The following DCHS2 variants were observed in gnomAD, a reference collection of about 807,000 sequenced individuals.
DCHS2 encodes protocadherin-23.
Under a neutral mutation model 182.4 loss-of-function variants are expected in DCHS2, and 142 were observed. The ratio of observed to expected loss-of-function variants is 0.78; its 90% CI spans 0.68 to 0.89. The LOEUF (loss-of-function observed/expected upper bound fraction) is 0.89, where lower values mean the gene tolerates loss of function less well. DCHS2 is among the 40% of genes least tolerant of loss of function. The pLI, the probability that DCHS2 is intolerant of heterozygous loss-of-function variation, is 0.00. For synonymous variants in DCHS2, 1,740 were observed against 1,663.3 expected, an observed-to-expected ratio of 1.05 and a Z score of -1.12; for missense variants, 4,319 against 4,198.6, an observed-to-expected ratio of 1.03 and a Z score of -0.79.
At chr4:154,345,151 A>G (rs1170340507) in intron 3 of DCHS2, among the ~76,000 whole-genome samples, 1 of 152,132 alleles carries the variant, frequency 6.6e-6, no homozygotes, top group African/African-American at 2.4e-5. Flanking sequence ...GCCTTCTCCC[A>G]AGATGTCTAG....
At chr4:154,329,408 G>C (rs1736419775) in intron 6 of DCHS2, 115 bp downstream of exon 6, 2 of 1,079,448 alleles carry the variant, frequency 1.9e-6, no homozygotes, top group African/African-American at 3.2e-5. Context: ...TCTAGAAAAA[G>C]TATGCTTTGC....
At chr4:154,449,376 T>G (rs1005224077) in intron 1 of DCHS2, among the ~76,000 whole-genome samples, 11 of 152,024 alleles carry the variant, frequency 7.2e-5, no homozygotes, top group African/African-American at 2.4e-4. Flanking sequence ...AGTTTTTTAA[T>G]TAATCTTTTT....
In DCHS2 at chr4:154,236,324, A is replaced by G. The variant is rs1488010712; in HGVS notation, c.8328T>C (p.Cys2776=). The change falls in exon 20 of 20, where the codon TGT becomes TGC. Residue 2776 remains cysteine (C), a synonymous_variant. Transcript: ENST00000357232. ...AAATAGGCAGATTTTCTGGAACAATACAGCTGAAGCTTGAGAACATAAACT... is the reference window on the plus strand; with the variant it reads ...AAATAGGCAGATTTTCTGGAACAATGCAGCTGAAGCTTGAGAACATAAACT... The part of the protein sequence containing the change: ...APQFMFSSFS[C]IVPENLPISS... The G allele has an allele frequency of 6.2e-7, 1 of 1,614,084 alleles. No homozygotes were observed. Among genetic ancestry groups the G allele is most frequent in the South Asian group, 1.1e-5 (1 of 91,080 alleles).
Position 154,366,209 on chromosome 4 carries a change from C to T in DCHS2, c.2476+1G>A. On this transcript the variant is annotated splice_donor_variant, in intron 3 of 19. Coordinates refer to ENST00000357232, the MANE Select transcript of DCHS2 (RefSeq NM_001358235.2). LOFTEE classifies it high-confidence loss of function. ...ATGAAAACTGTTCCAAGATCACATACCTGTGGTGGAGTCAATGGTAAAAAG... is the reference window on the plus strand; with the variant it reads ...ATGAAAACTGTTCCAAGATCACATATCTGTGGTGGAGTCAATGGTAAAAAG... The T allele has an allele frequency of 6.2e-7, 1 of 1,609,604 alleles. No individual in the cohort carries two copies. The highest frequency in any genetic ancestry group is 8.5e-7 in the Non-Finnish European group (1 of 1,176,338).
intron 1 of DCHS2, among the ~76,000 whole-genome samples, chr4:154,440,749 A>G (rs926340554): frequency 4.6e-5 from 7 of 152,186 alleles, no homozygotes; most frequent in African/African-American, 1.7e-4. Context: ...TACCCTTCTT[A>G]TCCCTACAGG....
chr4:154,391,347 C>T, intron 1 of DCHS2: 1 of 1,545,634 alleles, frequency 6.5e-7, no homozygotes, highest in South Asian at 1.2e-5. Context: ...ATGTCTCTGG[C>T]ATGAACCCTT....
intron 6 of DCHS2, 56 bp downstream of exon 6, chr4:154,329,467 G>T (rs1736421937): frequency 6.6e-7 from 1 of 1,515,626 alleles, no homozygotes; most frequent in Non-Finnish European, 9.0e-7. Flanking sequence ...ACAAGATGGT[G>T]CTCAAAACAA....
chr4:154,371,598 G>A (rs553221689), intron 2 of DCHS2, among the ~76,000 whole-genome samples: 3 of 152,116 alleles, frequency 2.0e-5, no homozygotes, highest in Non-Finnish European at 4.4e-5. Flanking sequence ...AGAAACCTGA[G>A]ACTGATTAAT....
intron 1 of DCHS2, among the ~76,000 whole-genome samples, chr4:154,421,492 T>G (rs190325127): frequency 1.0e-3 from 159 of 152,224 alleles, no homozygotes; most frequent in African/African-American, 3.5e-3. Context: ...CCTCCGTGGT[T>G]TAAGCGATTC....
intron 6 of DCHS2, 39 bp downstream of exon 6, chr4:154,329,482 CTT>C (rs1338048023): frequency 1.3e-6 from 2 of 1,574,050 alleles, no homozygotes; most frequent in African/African-American, 2.7e-5. Context: ...AAACAAATGA[CTT>C]AAGATATTAC....
In DCHS2 at chr4:154,490,353, C is replaced by A. The variant is rs1728767432; in HGVS notation, c.1003G>T (p.Val335Phe). ...LGPNGFVRYS[V>F]RARQVPGAGS... ...GCCCCAGGCACTTGCCGGGCGCGGA[C>A]GCTGTAGCGCACGAAGCCATTGGGC... is the stretch of plus-strand genomic sequence containing the variant. Residue 335 changes from valine (V) to phenylalanine (F), a missense_variant, in exon 1 of 20, where the codon GTC (valine) becomes TTC (phenylalanine). Physicochemically the swap from Val to Phe is conservative, Grantham distance 50 (BLOSUM62 -1). Transcript: ENST00000357232. 2 of 1,539,246 alleles carry A rather than the reference C, an allele frequency of 1.3e-6. No individual in the cohort carries two copies. Among genetic ancestry groups the A allele is most frequent in the Non-Finnish European group, 1.7e-6 (2 of 1,145,552 alleles).
intron 9 of DCHS2, among the ~76,000 whole-genome samples, chr4:154,316,785 A>AT (rs1735871065): frequency 6.6e-6 from 1 of 152,110 alleles, no homozygotes; most frequent in African/African-American, 2.4e-5. Context: ...CTCCATCTCA[A>AT]TAAAAAAGAA....
chr4:154,364,244 C>T (rs934558543), intron 3 of DCHS2, among the ~76,000 whole-genome samples: 4 of 152,170 alleles, frequency 2.6e-5, no homozygotes, highest in South Asian at 2.1e-4. Context: ...CTGGCTTCGG[C>T]CAGGACAGCA....
intron 2 of DCHS2, among the ~76,000 whole-genome samples, chr4:154,375,227 A>G (rs1407593506): frequency 1.3e-5 from 2 of 152,164 alleles, no homozygotes; most frequent in African/African-American, 4.8e-5. Flanking sequence ...TTGGAAGAAA[A>G]CAATAAGAGA....
intron 1 of DCHS2, among the ~76,000 whole-genome samples, chr4:154,470,633 C>T (rs4696579): frequency 0.92 from 139,504 of 152,244 alleles, 65,175 homozygotes; most frequent in East Asian, 1. Context: ...AAAGTTTTAA[C>T]GCTGCTGTAC....
At position 154,233,258 on chromosome 4, in the gene DCHS2, G is replaced by A. The variant is rs1172127704; in HGVS notation, c.*1278C>T. 6.6e-6 allele frequency: 1 copy of A among 152,140 alleles called. No homozygotes were observed. The highest frequency in any genetic ancestry group is 1.5e-5 in the Non-Finnish European group (1 of 68,032). 9.4% of individuals were successfully genotyped at this position (152,140 alleles called of 1,614,324 possible). ...CAGGATGCTGTCCACCTTCCTGAAAGGGATGAGAATCTGTGAGGGATTCCC... is the reference window on the plus strand; with the variant it reads ...CAGGATGCTGTCCACCTTCCTGAAAAGGATGAGAATCTGTGAGGGATTCCC... On this transcript the variant is annotated 3_prime_UTR_variant, in exon 20 of 20. Coordinates refer to ENST00000357232, the MANE Select transcript of DCHS2 (RefSeq NM_001358235.2).
chr4:154,270,826 G>A (rs907499952), intron 13 of DCHS2, among the ~76,000 whole-genome samples: 1 of 151,840 alleles, frequency 6.6e-6, no homozygotes, highest in Non-Finnish European at 1.5e-5. Flanking sequence ...AGGAGGCTAT[G>A]AGAGCATAAA....
rs1733493378 is a variant in DCHS2 at position 154,269,894 on chromosome 4, G to A, written c.6577+6C>T. 1 of 1,608,472 alleles carries A rather than the reference G, an allele frequency of 6.2e-7. No individual in the cohort carries two copies. The highest frequency in any genetic ancestry group is 8.5e-7 in the Non-Finnish European group (1 of 1,178,100). ...ATAAAGCTAGTATAGGGTAGAGAAGGATTACCTGACTTAGAGCACAGGGAA... is the reference window on the plus strand; with the variant it reads ...ATAAAGCTAGTATAGGGTAGAGAAGAATTACCTGACTTAGAGCACAGGGAA... On this transcript the variant is annotated splice_donor_region_variant and intron_variant, in intron 14 of 19. Transcript: ENST00000357232.
At position 154,259,551 on chromosome 4, in the gene DCHS2, G is replaced by A; in HGVS notation, c.6783C>T (p.Val2261=). The A allele has an allele frequency of 6.2e-7, 1 of 1,613,272 alleles. No individual in the cohort carries two copies. Among genetic ancestry groups the A allele is most frequent in the Non-Finnish European group, 8.5e-7 (1 of 1,179,880 alleles). The change falls in exon 15 of 20, where the codon GTC becomes GTT. Residue 2261 remains valine (V), a synonymous_variant. Transcript: ENST00000357232. The part of the protein sequence containing the change: ...VSESQLYNAH[V]IQVFATDLDS... ...ACAAATATATTTCTGTTACCTGTATGACATGAGCATTGTAGAGTTGGCTTT... is the reference window on the plus strand; with the variant it reads ...ACAAATATATTTCTGTTACCTGTATAACATGAGCATTGTAGAGTTGGCTTT...
Sources: gnomAD v4.1 joint callset for allele counts (sites outside exome capture counted in the v4.1 genomes callset) on GRCh38, gnomAD v4.1.1 for gene constraint, MANE v1.5 for transcripts, NCBI Gene and HGNC (gene_info 2026-07-23, HGNC 2026-07-21) for gene names.